The following CCSER1 variants were observed in gnomAD, a reference collection of about 807,000 sequenced individuals.
CCSER1 encodes the protein serine-rich coiled-coil domain-containing protein 1.
Under a neutral mutation model 82.0 loss-of-function variants are expected in CCSER1, and 41 were observed. The observed-to-expected ratio is 0.50, with a 90% CI of 0.39 to 0.65. CCSER1 has a LOEUF of 0.65. Among genes scored for constraint, CCSER1 ranks in the 30% least tolerant of loss-of-function variants. The pLI is 0.00. For synonymous variants in CCSER1, 414 were observed against 383.9 expected, an observed-to-expected ratio of 1.08 and a Z score of -0.92; for missense variants, 1,119 against 1,064.2, an observed-to-expected ratio of 1.05 and a Z score of -0.72.
intron 9 of CCSER1, among the ~76,000 whole-genome samples, chr4:90,939,200 T>C (rs1731308978): frequency 1.3e-5 from 2 of 152,238 alleles, no homozygotes; most frequent in South Asian, 2.1e-4. Context: ...ATCTACAGTC[T>C]TTTTTCCCTC....
At chr4:90,727,261 AT>A in intron 7 of CCSER1, 1 of 456,218 alleles carries the variant, frequency 2.2e-6, no homozygotes, top group South Asian at 1.5e-5. Flanking sequence ...CCACTGCATC[AT>A]TATAGAAGAG....
chr4:90,441,087 G>A (rs143560004), intron 4 of CCSER1, among the ~76,000 whole-genome samples: 1,901 of 152,262 alleles, frequency 0.012, 31 homozygotes, highest in African/African-American at 0.043. Context: ...GGGAGGATCT[G>A]AAAGAGATGG....
At chr4:90,154,358 G>A (rs1727588171) in intron 1 of CCSER1, among the ~76,000 whole-genome samples, 1 of 152,186 alleles carries the variant, frequency 6.6e-6, no homozygotes, top group Non-Finnish European at 1.5e-5. Context: ...ACGTGGCGAT[G>A]CGGGCTCTTT....
intron 4 of CCSER1, among the ~76,000 whole-genome samples, chr4:90,450,242 T>C (rs2153577841): frequency 6.6e-6 from 1 of 152,270 alleles, no homozygotes; most frequent in East Asian, 1.9e-4. Context: ...GAAATAATTT[T>C]ACAAGGAGGT....
At chr4:90,854,111 G>A (rs1446756002) in intron 8 of CCSER1, among the ~76,000 whole-genome samples, 4 of 152,110 alleles carry the variant, frequency 2.6e-5, no homozygotes, top group Non-Finnish European at 5.9e-5. Flanking sequence ...CATTCTTCAA[G>A]AAGCTAGAGA....
intron 10 of CCSER1, among the ~76,000 whole-genome samples, chr4:91,246,827 T>TACACACATACAC (rs1553916503): frequency 6.9e-6 from 1 of 144,084 alleles, no homozygotes; most frequent in African/African-American, 2.6e-5. Flanking sequence ...CATACACACA[T>TACACACATACAC]ACACACACAC....
At chr4:90,470,138 T>G (rs1371210585) in intron 5 of CCSER1, among the ~76,000 whole-genome samples, 1 of 152,192 alleles carries the variant, frequency 6.6e-6, no homozygotes, top group African/African-American at 2.4e-5. Context: ...ACCATCATTT[T>G]TCTTTTTTTA....
At chr4:91,429,824 G>A (rs984099062) in intron 10 of CCSER1, among the ~76,000 whole-genome samples, 7 of 151,380 alleles carry the variant, frequency 4.6e-5, no homozygotes, top group Non-Finnish European at 8.9e-5. Flanking sequence ...TCTCAGTTAC[G>A]TGTTTTTTTC....
chr4:91,168,429 C>T (rs1732391540), intron 10 of CCSER1, among the ~76,000 whole-genome samples: 1 of 150,846 alleles, frequency 6.6e-6, no homozygotes. Flanking sequence ...GGGAGTGCCT[C>T]TGCCCGGCCG....
chr4:91,193,063 T>A (rs1210837651), intron 10 of CCSER1, among the ~76,000 whole-genome samples: 1 of 152,212 alleles, frequency 6.6e-6, no homozygotes, highest in Non-Finnish European at 1.5e-5. Flanking sequence ...TGTACTGACA[T>A]GTGTTTTGTA....
chr4:90,892,672 G>A (rs1723126841), intron 8 of CCSER1, among the ~76,000 whole-genome samples: 1 of 151,810 alleles, frequency 6.6e-6, no homozygotes, highest in Non-Finnish European at 1.5e-5. Context: ...TTCTTGTGGT[G>A]TTTAACAGTT....
At chr4:90,576,553 C>G (rs1034225201) in intron 5 of CCSER1, among the ~76,000 whole-genome samples, 5 of 152,132 alleles carry the variant, frequency 3.3e-5, no homozygotes, top group African/African-American at 1.2e-4. Context: ...CCCTAACAAC[C>G]ACTGATGCTT....
At chr4:90,511,674 A>G (rs1370171787) in intron 5 of CCSER1, among the ~76,000 whole-genome samples, 1 of 152,208 alleles carries the variant, frequency 6.6e-6, no homozygotes, top group East Asian at 1.9e-4. Context: ...GCAGATAATA[A>G]AAGATGAAAG....
At chr4:91,063,949 A>G (rs1744159635) in intron 9 of CCSER1, among the ~76,000 whole-genome samples, 1 of 152,172 alleles carries the variant, frequency 6.6e-6, no homozygotes, top group African/African-American at 2.4e-5. Context: ...AAATCCTGTA[A>G]TATTTTCTTT....
At chr4:90,270,424 A>G (rs955233755) in intron 1 of CCSER1, among the ~76,000 whole-genome samples, 1 of 152,116 alleles carries the variant, frequency 6.6e-6, no homozygotes, top group Non-Finnish European at 1.5e-5. Context: ...GATCATTTCA[A>G]TTGACACTGA....
In CCSER1 at chr4:90,870,603, GT is replaced by G. The variant is rs1418191471; in HGVS notation, c.2095-52761del. On this transcript the variant is annotated intron_variant, in intron 8 of 10. Coordinates refer to ENST00000509176, the MANE Select transcript of CCSER1 (RefSeq NM_001145065.2). ...TTCTGTTTGCCAGCATTTTGTTGAGGTTTTTTACATCAATGTTTTTCAGAGA... is the reference window on the plus strand; with the variant it reads ...TTCTGTTTGCCAGCATTTTGTTGAGGTTTTTACATCAATGTTTTTCAGAGA... 2.6e-5 allele frequency among the ~76,000 whole-genome samples: 4 copies of G among 151,684 alleles called. No homozygotes were observed. The East Asian group carries it at 7.8e-4, about 30-fold the overall frequency.
chr4:90,462,389 C>G (rs1420708242), intron 4 of CCSER1, among the ~76,000 whole-genome samples: 1 of 152,106 alleles, frequency 6.6e-6, no homozygotes, highest in African/African-American at 2.4e-5. Context: ...TTCAGGAAGC[C>G]TCAACTCTGC....
At chr4:90,315,479 A>G (rs1191957284) in intron 3 of CCSER1, among the ~76,000 whole-genome samples, 3 of 152,084 alleles carry the variant, frequency 2.0e-5, no homozygotes, top group African/African-American at 4.8e-5. Flanking sequence ...TCTTTCAGTT[A>G]CTTTACAGTT....
intron 10 of CCSER1, among the ~76,000 whole-genome samples, chr4:91,178,188 AT>A (rs1733605453): frequency 6.6e-6 from 1 of 152,034 alleles, no homozygotes; most frequent in Non-Finnish European, 1.5e-5. Context: ...ATTTGTTATA[AT>A]TTCTGTTATT....
Sources: gnomAD v4.1 joint callset for allele counts (sites outside exome capture counted in the v4.1 genomes callset) on GRCh38, gnomAD v4.1.1 for gene constraint, MANE v1.5 for transcripts, NCBI Gene and HGNC (gene_info 2026-07-23, HGNC 2026-07-21) for gene names.